ANGPT1: variants seen among roughly 807,000 people sequenced by gnomAD.
ANGPT1 encodes angiopoietin 1.
ANGPT1 carries 17 observed loss-of-function variants against 62.2 expected under a neutral mutation model. That is an observed-to-expected ratio of 0.27 (90% CI 0.19 to 0.41). The LOEUF (loss-of-function observed/expected upper bound fraction) is 0.41, where lower values mean the gene tolerates loss of function less well. Ranked by LOEUF, ANGPT1 falls within the 10% of genes least tolerant of loss-of-function variation. The probability of loss-of-function intolerance (pLI) is 1.00; values close to 1 mark genes in which losing one functional copy is unlikely to be tolerated. For missense variants in ANGPT1, 478 were observed against 594.9 expected (o/e 0.80, Z 2.04); for synonymous variants, 199 against 198.9 (o/e 1.00, Z 0.00).
chr8:107,426,073 G>A (rs1811033726), intron 1 of ANGPT1, among the ~76,000 whole-genome samples: 1 of 151,390 alleles, frequency 6.6e-6, no homozygotes, highest in Non-Finnish European at 1.5e-5. Context: ...GACTTCTGGG[G>A]ACTCATGTCT....
At chr8:107,322,467 A>G (rs764132141) in intron 3 of ANGPT1, among the ~76,000 whole-genome samples, 1 of 152,178 alleles carries the variant, frequency 6.6e-6, no homozygotes, top group Non-Finnish European at 1.5e-5. Context: ...ACTTTCACTA[A>G]AGAAATGGGC....
rs10628191 is a variant in ANGPT1 at position 107,406,885 on chromosome 8, CA to C, written c.298-59789del. Among the ~76,000 whole-genome samples, 140 of 141,816 alleles carry C rather than the reference CA, an allele frequency of 9.9e-4. 1 individual carries two copies. The highest frequency in any genetic ancestry group is 2.4e-3 in the African/African-American group (93 of 39,004). 93.0% of individuals were successfully genotyped at this position (141,816 alleles called of 152,430 possible). A position where few individuals can be genotyped will look rare whatever the true frequency, so the allele number is the denominator to read the frequency against. ...AGAAGTCCTTCTACCATTAAATCCTCAAAAAAAAAAAAAAGCAATTCTACAT... is the reference window on the plus strand; with the variant it reads ...AGAAGTCCTTCTACCATTAAATCCTCAAAAAAAAAAAAAGCAATTCTACAT... On this transcript the variant is annotated intron_variant, in intron 1 of 8. Coordinates refer to ENST00000517746, the MANE Select transcript of ANGPT1 (RefSeq NM_001146.5).
chr8:107,302,470 C>T (rs1814615340), intron 5 of ANGPT1, among the ~76,000 whole-genome samples: 1 of 151,908 alleles, frequency 6.6e-6, no homozygotes, highest in South Asian at 2.1e-4. Flanking sequence ...TATCACTATA[C>T]TTATTGACAG....
At chr8:107,301,713 C>T (rs1006882667) in intron 5 of ANGPT1, among the ~76,000 whole-genome samples, 1 of 151,808 alleles carries the variant, frequency 6.6e-6, no homozygotes, top group Non-Finnish European at 1.5e-5. Context: ...CCTCCTGTGC[C>T]CACTCCACTC....
At chr8:107,274,796 A>T (rs1421063821) in intron 7 of ANGPT1, among the ~76,000 whole-genome samples, 2 of 152,134 alleles carry the variant, frequency 1.3e-5, no homozygotes, top group African/African-American at 4.8e-5. Flanking sequence ...GCACAAAAAA[A>T]CCTTGTCAAT....
intron 1 of ANGPT1, among the ~76,000 whole-genome samples, chr8:107,407,743 T>A (rs1280769310): frequency 6.6e-6 from 1 of 152,176 alleles, no homozygotes; most frequent in Non-Finnish European, 1.5e-5. Flanking sequence ...CTCCCTGCCT[T>A]TTGGTCATTT....
chr8:107,263,856 G>A (rs1230333416), intron 8 of ANGPT1, among the ~76,000 whole-genome samples: 4 of 151,970 alleles, frequency 2.6e-5, no homozygotes, highest in East Asian at 1.9e-4. Flanking sequence ...ACATAATTGC[G>A]AAGTATTTTA....
At chr8:107,446,382 A>G (rs1362795973) in intron 1 of ANGPT1, among the ~76,000 whole-genome samples, 1 of 152,214 alleles carries the variant, frequency 6.6e-6, no homozygotes, top group Non-Finnish European at 1.5e-5. Flanking sequence ...TAAGTGGACA[A>G]TAGCCCCATG....
At chr8:107,443,772 T>C (rs1811538659) in intron 1 of ANGPT1, among the ~76,000 whole-genome samples, 1 of 149,148 alleles carries the variant, frequency 6.7e-6, no homozygotes, top group Non-Finnish European at 1.5e-5. Flanking sequence ...TGAGCTGAGA[T>C]CATGCCATTG....
At chr8:107,419,878 C>A (rs1052872010) in intron 1 of ANGPT1, among the ~76,000 whole-genome samples, 3 of 152,112 alleles carry the variant, frequency 2.0e-5, no homozygotes, top group South Asian at 2.1e-4. Context: ...ATAAATAGAT[C>A]TCATATTGCA....
chr8:107,463,833 C>T (rs79220067), intron 1 of ANGPT1, among the ~76,000 whole-genome samples: 8,034 of 152,000 alleles, frequency 0.053, 243 homozygotes, highest in South Asian at 0.11. Context: ...AGGTAACTTT[C>T]GTAGACATGT....
intron 1 of ANGPT1, among the ~76,000 whole-genome samples, chr8:107,397,209 G>T (rs980956763): frequency 1.3e-5 from 2 of 152,036 alleles, no homozygotes; most frequent in Non-Finnish European, 2.9e-5. Context: ...CATTCCTAGA[G>T]GAAATATGCA....
At chr8:107,304,226 C>T (rs1157262219) in intron 4 of ANGPT1, among the ~76,000 whole-genome samples, 1 of 151,670 alleles carries the variant, frequency 6.6e-6, no homozygotes, top group African/African-American at 2.4e-5. Flanking sequence ...ATTTACTGAG[C>T]TTTATCCATT....
intron 1 of ANGPT1, among the ~76,000 whole-genome samples, chr8:107,461,315 T>G (rs549718687): frequency 1.3e-5 from 2 of 152,278 alleles, no homozygotes; most frequent in Admixed American, 6.5e-5. Flanking sequence ...AAGGTACTTA[T>G]GCTATTAAAA....
intron 2 of ANGPT1, among the ~76,000 whole-genome samples, chr8:107,338,998 G>A (rs1431483795): frequency 6.6e-6 from 1 of 152,208 alleles, no homozygotes; most frequent in East Asian, 1.9e-4. Context: ...CTTATTCGCC[G>A]TACTCTCTGA....
intron 7 of ANGPT1, among the ~76,000 whole-genome samples, chr8:107,278,038 T>C (rs1415618419): frequency 6.6e-6 from 1 of 151,978 alleles, no homozygotes; most frequent in African/African-American, 2.4e-5. Flanking sequence ...TTGGGCATGA[T>C]AAAAATTTAA....
chr8:107,491,365 C>T (rs753112546), intron 1 of ANGPT1, among the ~76,000 whole-genome samples: 4 of 151,770 alleles, frequency 2.6e-5, no homozygotes, highest in Non-Finnish European at 5.9e-5. Flanking sequence ...TCTTAGTAGG[C>T]GGAGATAGAA....
intron 7 of ANGPT1, among the ~76,000 whole-genome samples, chr8:107,274,241 T>C (rs1468602811): frequency 6.6e-6 from 1 of 152,164 alleles, no homozygotes. Flanking sequence ...GTTACCTATA[T>C]GCACATTCAA....
chr8:107,312,674 G>A (rs865845638), intron 4 of ANGPT1, among the ~76,000 whole-genome samples: 4 of 152,248 alleles, frequency 2.6e-5, no homozygotes, highest in Middle Eastern at 3.4e-3. Context: ...GGGCTTCACC[G>A]GTTATTAGGA....
Sources: gnomAD v4.1 joint callset for allele counts (sites outside exome capture counted in the v4.1 genomes callset) on GRCh38, gnomAD v4.1.1 for gene constraint, MANE v1.5 for transcripts, NCBI Gene and HGNC (gene_info 2026-07-23, HGNC 2026-07-21) for gene names.